SLC25A20: variants seen among roughly 807,000 people sequenced by gnomAD.
The protein encoded by SLC25A20 is mitochondrial carnitine/acylcarnitine carrier protein.
Under a neutral mutation model 39.7 loss-of-function variants are expected in SLC25A20, and 29 were observed. The ratio of observed to expected loss-of-function variants is 0.73; its 90% CI spans 0.54 to 1.00. The LOEUF is 1.00. Ranked by LOEUF, SLC25A20 falls within the 50% of genes least tolerant of loss-of-function variation. The pLI is 0.00. For missense variants in SLC25A20, 333 were observed against 379.9 expected (o/e 0.88, Z 1.03); for synonymous variants, 103 against 142.2 (o/e 0.72, Z 1.96).
chr3:48,895,513 A>C (rs1434851356), intron 1 of SLC25A20, among the ~76,000 whole-genome samples: 1 of 152,216 alleles, frequency 6.6e-6, no homozygotes, highest in Non-Finnish European at 1.5e-5. Context: ...TAACCTTTCC[A>C]AAACATCATT....
Position 48,857,500 on chromosome 3 carries a change from T to C in SLC25A20, c.*210A>G. On this transcript the variant is annotated 3_prime_UTR_variant, in exon 9 of 9. Transcript: ENST00000319017. ...ATCCTTTTAAGATCCCTTAAATTGA[T>C]AAGAATGAATTCAAGTTTCAAAATG... is the stretch of plus-strand genomic sequence containing the variant. 1 of 590,440 alleles carries C rather than the reference T, an allele frequency of 1.7e-6. No homozygotes were observed. Among genetic ancestry groups the C allele is most frequent in the South Asian group, 2.0e-5 (1 of 50,516 alleles). 36.6% of individuals were successfully genotyped at this position (590,440 alleles called of 1,614,324 possible).
chr3:48,871,638 G>C (rs961820852), intron 4 of SLC25A20, among the ~76,000 whole-genome samples: 2 of 151,832 alleles, frequency 1.3e-5, no homozygotes, highest in African/African-American at 4.8e-5. Context: ...ATGGTGGCGC[G>C]TGCCTGTAAT....
At chr3:48,895,877 C>T in intron 1 of SLC25A20, 4 of 446,398 alleles carry the variant, frequency 9.0e-6, no homozygotes, top group South Asian at 1.6e-5. Context: ...CAGTGGCTCA[C>T]ACCTATAATC....
chr3:48,862,758 A>G, intron 4 of SLC25A20, 99 bp from the exon 5 acceptor site: 1 of 788,228 alleles, frequency 1.3e-6, no homozygotes, highest in Non-Finnish European at 2.3e-6. Flanking sequence ...TATGTGTTAC[A>G]GCAATAAAAG....
chr3:48,868,208 G>A (rs892977768), intron 4 of SLC25A20, among the ~76,000 whole-genome samples: 1 of 151,942 alleles, frequency 6.6e-6, no homozygotes, highest in Non-Finnish European at 1.5e-5. Flanking sequence ...AGAAGGTGGG[G>A]GGTTGAGAAG....
intron 4 of SLC25A20, among the ~76,000 whole-genome samples, chr3:48,869,123 C>A (rs755887814): frequency 6.6e-6 from 1 of 152,094 alleles, no homozygotes; most frequent in South Asian, 2.1e-4. Context: ...TGCATCCTTC[C>A]CTTCCTGCTG....
chr3:48,891,890 C>T lies in SLC25A20; in HGVS notation c.198+90G>A, dbSNP rs552415788. The T allele has an allele frequency of 1.4e-5, 15 of 1,052,344 alleles. No individual in the cohort carries two copies. The African/African-American group carries it at 2.2e-4, about 15-fold the overall frequency. The allele number at this position is 1,052,344 out of a possible 1,614,324, so 65.2% of individuals were successfully genotyped here. A position where few individuals can be genotyped will look rare whatever the true frequency, so the allele number is the denominator to read the frequency against. Reference sequence around the variant, plus strand: ...GCTGTGAGCTAGCTGTCCAGCAGAACCACACAGTTAACCTACTCTCCTTGG... The same window carrying T: ...GCTGTGAGCTAGCTGTCCAGCAGAATCACACAGTTAACCTACTCTCCTTGG... On this transcript the variant is annotated intron_variant, in intron 2 of 8. Coordinates refer to ENST00000319017, the MANE Select transcript of SLC25A20 (RefSeq NM_000387.6).
intron 4 of SLC25A20, among the ~76,000 whole-genome samples, chr3:48,873,321 G>A (rs1301487300): frequency 4.0e-5 from 6 of 151,522 alleles, no homozygotes; most frequent in African/African-American, 7.3e-5. Context: ...GTTCAAGACC[G>A]GACTGGCGGC....
Position 48,859,196 on chromosome 3 carries a change from C to T in SLC25A20, c.614G>A (p.Ser205Asn), listed in dbSNP as rs149062915. Residue 205 changes from serine to asparagine, a missense_variant, in exon 7 of 9, where the codon AGT becomes AAT. Coordinates refer to ENST00000319017, the MANE Select transcript of SLC25A20 (RefSeq NM_000387.6). ...CAAGATCCGAGGGGCACTGAGCTCA[C>T]TGACCCTGTATAACACCAACCACAG... ...NIFTPEGKRV[S>N]ELSAPRILVA... is the part of the protein sequence containing the mutation. The T allele has an allele frequency of 3.1e-6, 5 of 1,613,618 alleles. No individual in the cohort carries two copies. In the African/African-American group the frequency reaches 5.3e-5, roughly 17 times the overall value.
chr3:48,882,838 G>A (rs1011373656), intron 3 of SLC25A20, among the ~76,000 whole-genome samples: 17 of 152,064 alleles, frequency 1.1e-4, no homozygotes, highest in Non-Finnish European at 1.6e-4. Flanking sequence ...ACAGTGAGTC[G>A]TGATTGCACC....
At position 48,862,527 on chromosome 3, in the gene SLC25A20, G is replaced by A; in HGVS notation, c.535+15C>T. 6.4e-7 allele frequency: 1 copy of A among 1,560,434 alleles called. No homozygotes were observed. Among genetic ancestry groups the A allele is most frequent in the Non-Finnish European group, 8.8e-7 (1 of 1,131,276 alleles). On this transcript the variant is annotated intron_variant, in intron 5 of 8. Coordinates refer to ENST00000319017, the MANE Select transcript of SLC25A20 (RefSeq NM_000387.6). The stretch of plus-strand genomic sequence containing the variant: ...ACCTCCCCAGGTGACCTCAAGTGGA[G>A]GCCTGAAAGGTTACCTCGCATAAGG...
intron 4 of SLC25A20, among the ~76,000 whole-genome samples, chr3:48,864,043 C>A (rs1396919422): frequency 2.0e-5 from 3 of 149,514 alleles, no homozygotes; most frequent in African/African-American, 7.4e-5. Context: ...AGAAATGGAT[C>A]CCATTCAAAA....
chr3:48,875,343 C>G (rs1239797718), intron 4 of SLC25A20, among the ~76,000 whole-genome samples: 1 of 151,958 alleles, frequency 6.6e-6, no homozygotes, highest in Non-Finnish European at 1.5e-5. Flanking sequence ...CCTCGTGATC[C>G]ACCCCCTCGG....
At chr3:48,889,394 T>A (rs1292463826) in intron 2 of SLC25A20, among the ~76,000 whole-genome samples, 2 of 151,078 alleles carry the variant, frequency 1.3e-5, no homozygotes, top group Non-Finnish European at 3.0e-5. Context: ...TGTCTCAAAA[T>A]ATATATATAT....
At chr3:48,875,939 T>A (rs2083752201) in intron 4 of SLC25A20, among the ~76,000 whole-genome samples, 1 of 152,106 alleles carries the variant, frequency 6.6e-6, no homozygotes, top group South Asian at 2.1e-4. Context: ...TGGCTTCATC[T>A]CAGGAGGCAG....
intron 4 of SLC25A20, among the ~76,000 whole-genome samples, chr3:48,866,371 A>G (rs1425507578): frequency 2.0e-5 from 3 of 151,654 alleles, no homozygotes; most frequent in Non-Finnish European, 4.4e-5. Flanking sequence ...CTGGCCAACA[A>G]GGCAAAACCC....
chr3:48,880,031 T>G (rs752613172), intron 3 of SLC25A20, among the ~76,000 whole-genome samples: 5 of 152,098 alleles, frequency 3.3e-5, no homozygotes, highest in African/African-American at 4.8e-5. Context: ...CCAAGGCAAC[T>G]GCATGCAACG....
intron 4 of SLC25A20, 125 bp downstream of exon 4, chr3:48,879,233 G>C: frequency 2.5e-6 from 2 of 812,004 alleles, no homozygotes. Flanking sequence ...CAAAGTGCTA[G>C]GATTACAGGT....
intron 4 of SLC25A20, among the ~76,000 whole-genome samples, chr3:48,863,001 G>T (rs1240781055): frequency 1.3e-5 from 2 of 152,112 alleles, no homozygotes; most frequent in Non-Finnish European, 2.9e-5. Context: ...AAACCAGCCT[G>T]GTCAACACGG....
Sources: allele counts gnomAD v4.1 joint callset (sites outside exome capture counted in the v4.1 genomes callset), GRCh38; gene constraint gnomAD v4.1.1; transcripts MANE v1.5; gene names NCBI Gene and HGNC (gene_info 2026-07-23, HGNC 2026-07-21).